SIPA1L3: variants seen among roughly 807,000 people sequenced by gnomAD.
The protein encoded by SIPA1L3 is signal induced proliferation associated 1 like 3.
Under a neutral mutation model 150.1 loss-of-function variants are expected in SIPA1L3, and 59 were observed. The ratio of observed to expected loss-of-function variants is 0.39; its 90% confidence interval spans 0.32 to 0.49. SIPA1L3 has a LOEUF of 0.49. Ranked by LOEUF, SIPA1L3 falls within the 20% of genes least tolerant of loss-of-function variation. The pLI, the probability that SIPA1L3 is intolerant of heterozygous loss-of-function variation, is 0.86. For synonymous variants in SIPA1L3, 1,070 were observed against 1,077.6 expected, an observed-to-expected ratio of 0.99 and a Z score of 0.14; for missense variants, 2,211 against 2,489.5, an observed-to-expected ratio of 0.89 and a Z score of 2.38.
chr19:37,990,498 C>T lies in SIPA1L3; in HGVS notation c.-378-38591C>T, dbSNP rs1027860437. Among the ~76,000 whole-genome samples the T allele has an allele frequency of 3.9e-5, 6 of 152,322 alleles. No individual in the cohort carries two copies. The East Asian group carries it at 9.7e-4, about 25-fold the overall frequency. ...GAGTACCAGCTTTGACTTCAGAGCG[C>T]TCTCTTCTGGCTGGGCATGGAGACA... On this transcript the variant is annotated intron_variant, in intron 1 of 21. Coordinates refer to ENST00000222345, the MANE Select transcript of SIPA1L3 (RefSeq NM_015073.3).
intron 2 of SIPA1L3, among the ~76,000 whole-genome samples, chr19:38,063,778 G>A (rs1969506835): frequency 6.6e-6 from 1 of 152,210 alleles, no homozygotes; most frequent in Non-Finnish European, 1.5e-5. Context: ...CATGATGATA[G>A]TGGGGACACT....
intron 16 of SIPA1L3, 98 bp from the exon 17 acceptor site, chr19:38,192,047 A>C: frequency 9.0e-6 from 10 of 1,112,036 alleles, no homozygotes; most frequent in Non-Finnish European, 1.3e-5. Context: ...GGCTGTGGCC[A>C]TGCGTCCCGT....
intron 12 of SIPA1L3, among the ~76,000 whole-genome samples, chr19:38,143,500 C>G (rs1971637807): frequency 6.6e-6 from 1 of 151,860 alleles, no homozygotes; most frequent in Non-Finnish European, 1.5e-5. Flanking sequence ...CCCTGGTCTA[C>G]CCTCCACTCA....
At position 38,046,182 on chromosome 19, in the gene SIPA1L3, G is replaced by A. The variant is rs1474125508; in HGVS notation, c.-311+17026G>A. On this transcript the variant is annotated intron_variant, in intron 2 of 21. Transcript: ENST00000222345. The surrounding 1 kb of genome is among the most constrained non-coding windows in gnomAD (Gnocchi z 5.6). ...AGGTGCCCTGGTTCTCGACTCATCAGCCTCTAGGAAAGAAGCAGCTTGCTG... is the reference window on the plus strand; with the variant it reads ...AGGTGCCCTGGTTCTCGACTCATCAACCTCTAGGAAAGAAGCAGCTTGCTG... 6.6e-6 allele frequency among the ~76,000 whole-genome samples: 1 copy of A among 152,054 alleles called. No individual in the cohort carries two copies. Among genetic ancestry groups the A allele is most frequent in the Admixed American group, 6.5e-5 (1 of 15,276 alleles).
chr19:37,970,341 T>C (rs1266426379), intron 1 of SIPA1L3, among the ~76,000 whole-genome samples: 1 of 152,232 alleles, frequency 6.6e-6, no homozygotes, highest in East Asian at 1.9e-4. Flanking sequence ...TTTCACCACG[T>C]TAAGTGGAGT....
chr19:38,161,594 G>A (rs1487964324), intron 13 of SIPA1L3, among the ~76,000 whole-genome samples: 1 of 151,828 alleles, frequency 6.6e-6, no homozygotes, highest in Non-Finnish European at 1.5e-5. Context: ...GCATGGTGGT[G>A]CCACACCTGT....
intron 1 of SIPA1L3, among the ~76,000 whole-genome samples, chr19:38,000,090 C>T (rs924081127): frequency 8.5e-5 from 13 of 152,140 alleles, no homozygotes; most frequent in Admixed American, 5.9e-4. Context: ...GAAACTGCCT[C>T]TTCTGTAGTA....
chr19:38,141,175 T>A lies in SIPA1L3; in HGVS notation c.3144-9T>A. ...GGGCCTTTCTGAGTAATGCAGTTTT[T>A]CTCCCCAGGGGTTGGCCGGAGACCT... On this transcript the variant is annotated splice_polypyrimidine_tract_variant and intron_variant, in intron 10 of 21. Coordinates refer to ENST00000222345, the MANE Select transcript of SIPA1L3 (RefSeq NM_015073.3). 6.4e-7 allele frequency: 1 copy of A among 1,564,606 alleles called. No homozygotes were observed. The highest frequency in any genetic ancestry group is 8.7e-7 in the Non-Finnish European group (1 of 1,153,642).
chr19:38,207,550 G>C lies in SIPA1L3; in HGVS notation c.*1310G>C, dbSNP rs1973247298. The C allele has an allele frequency of 6.6e-6, 1 of 151,902 alleles. No individual in the cohort carries two copies. The highest frequency in any genetic ancestry group is 1.5e-5 in the Non-Finnish European group (1 of 67,990). The allele number at this position is 151,902 out of a possible 1,614,324, so 9.4% of individuals were successfully genotyped here. A position where few individuals can be genotyped will look rare whatever the true frequency, so the allele number is the denominator to read the frequency against. ...AGCTGAGGACCAAGGCGTGTCCCCT[G>C]TGGGCTGGGGGTCAGTGGGAGGACC... is the stretch of plus-strand genomic sequence containing the variant. On this transcript the variant is annotated 3_prime_UTR_variant, in exon 22 of 22. Coordinates refer to ENST00000222345, the MANE Select transcript of SIPA1L3 (RefSeq NM_015073.3).
intron 2 of SIPA1L3, among the ~76,000 whole-genome samples, chr19:38,054,661 C>T (rs770146515): frequency 6.6e-6 from 1 of 152,202 alleles, no homozygotes; most frequent in Non-Finnish European, 1.5e-5. Flanking sequence ...GGAGTTGGTA[C>T]ACTCTCTTGG....
At chr19:38,025,844 C>T (rs1341651728) in intron 1 of SIPA1L3, among the ~76,000 whole-genome samples, 1 of 152,184 alleles carries the variant, frequency 6.6e-6, no homozygotes, top group Non-Finnish European at 1.5e-5. Context: ...GCTTCCTAGA[C>T]CAGCTTAGCA....
At chr19:38,040,132 G>A (rs1375272441) in intron 2 of SIPA1L3, among the ~76,000 whole-genome samples, 2 of 151,964 alleles carry the variant, frequency 1.3e-5, no homozygotes, top group Non-Finnish European at 2.9e-5. Flanking sequence ...AGAGAAAATT[G>A]GACTCAAAAT....
chr19:38,140,050 C>T (rs1338619699), intron 10 of SIPA1L3, among the ~76,000 whole-genome samples: 2 of 152,224 alleles, frequency 1.3e-5, no homozygotes, highest in Non-Finnish European at 2.9e-5. Flanking sequence ...CACATCCAGA[C>T]CATAGCAGCC....
chr19:37,957,162 CCA>C (rs2046818450), intron 1 of SIPA1L3, among the ~76,000 whole-genome samples: 1 of 152,196 alleles, frequency 6.6e-6, no homozygotes, highest in Non-Finnish European at 1.5e-5. Context: ...ACTGCTAGTG[CCA>C]CAGTCTTCAT....
chr19:37,932,753 T>C (rs1272104493), intron 1 of SIPA1L3: 1 of 152,300 alleles, frequency 6.6e-6, no homozygotes, highest in East Asian at 1.9e-4. Flanking sequence ...TGTTTCTTCC[T>C]CTCCGGAGTT....
In SIPA1L3 at chr19:38,189,163, C is replaced by A. The variant is rs1336250987; in HGVS notation, c.4431-2982C>A. ...CTTTTTTTTTTTTTTTTGAGACAGG[C>A]TCTCACTGTCACCCAGGCTGGAGTG... On this transcript the variant is annotated intron_variant, in intron 16 of 21. Coordinates refer to ENST00000222345, the MANE Select transcript of SIPA1L3 (RefSeq NM_015073.3). 7.5e-5 allele frequency among the ~76,000 whole-genome samples: 11 copies of A among 147,616 alleles called. No individual in the cohort carries two copies. In the East Asian group the frequency reaches 1.8e-3, roughly 24 times the overall value.
intron 8 of SIPA1L3, 53 bp from the exon 9 acceptor site, chr19:38,119,253 G>A (rs2145894558): frequency 6.8e-7 from 1 of 1,471,542 alleles, no homozygotes; most frequent in Non-Finnish European, 9.3e-7. Context: ...TTTTCTCTCT[G>A]AAGTGTCTTA....
In SIPA1L3 at chr19:38,027,986, C is replaced by T. The variant is rs552129407; in HGVS notation, c.-378-1103C>T. ...CAGCACTTGTCTGCTAGGACAGAGC[C>T]GGCACATTGGGAGGGATTGTTATTA... On this transcript the variant is annotated intron_variant, in intron 1 of 21. Coordinates refer to ENST00000222345, the MANE Select transcript of SIPA1L3 (RefSeq NM_015073.3). Among the ~76,000 whole-genome samples, 6 of 152,024 alleles carry T rather than the reference C, an allele frequency of 3.9e-5. No individual in the cohort carries two copies. In the East Asian group the frequency reaches 5.8e-4, roughly 15 times the overall value.
intron 15 of SIPA1L3, among the ~76,000 whole-genome samples, chr19:38,168,955 C>T (rs768559170): frequency 7.2e-5 from 11 of 151,936 alleles, no homozygotes; most frequent in Non-Finnish European, 1.3e-4. Context: ...TTGGGTGGTG[C>T]GGGGAGGAAA....
Sources: gnomAD v4.1 joint callset for allele counts (sites outside exome capture counted in the v4.1 genomes callset) on GRCh38, gnomAD v4.1.1 for gene constraint, Gnocchi (gnomAD v3.1) non-coding constraint, MANE v1.5 for transcripts, NCBI Gene and HGNC (gene_info 2026-07-23, HGNC 2026-07-21) for gene names.